EYS: variants seen among roughly 807,000 people sequenced by gnomAD.
EYS encodes the protein EGF-like photoreceptor maintenance factor.
Under a neutral mutation model 282.1 loss-of-function variants are expected in EYS, and 250 were observed. The observed-to-expected ratio is 0.89, with a 90% CI of 0.80 to 0.98. The LOEUF (loss-of-function observed/expected upper bound fraction) is 0.98. Among genes scored for constraint, EYS ranks in the 50% least tolerant of loss-of-function variants. The pLI, the probability that EYS is intolerant of heterozygous loss-of-function variation, is 0.00. For synonymous variants in EYS, 1,355 were observed against 1,282.9 expected, an observed-to-expected ratio of 1.06 and a Z score of -1.20; for missense variants, 4,016 against 3,709.0, an observed-to-expected ratio of 1.08 and a Z score of -2.15.
At chr6:65,583,238 A>T (rs1764929722) in intron 2 of EYS, among the ~76,000 whole-genome samples, 1 of 152,074 alleles carries the variant, frequency 6.6e-6, no homozygotes, top group Admixed American at 6.6e-5. Context: ...GGGCTCAAGT[A>T]TACTTATTTT....
chr6:65,451,926 A>AC (rs1399759713), intron 5 of EYS, among the ~76,000 whole-genome samples: 2 of 151,914 alleles, frequency 1.3e-5, no homozygotes, highest in Non-Finnish European at 2.9e-5. Flanking sequence ...CATTTAAAAT[A>AC]AATAATTTTA....
chr6:63,834,894 C>A (rs542951896), intron 36 of EYS, among the ~76,000 whole-genome samples: 1 of 151,646 alleles, frequency 6.6e-6, no homozygotes, highest in African/African-American at 2.4e-5. Flanking sequence ...GAGTTCATGT[C>A]CTTTGTAGGG....
At chr6:63,845,418 A>G (rs1772073146) in intron 36 of EYS, among the ~76,000 whole-genome samples, 1 of 149,686 alleles carries the variant, frequency 6.7e-6, no homozygotes, top group Non-Finnish European at 1.5e-5. Context: ...ATAAAACTGT[A>G]TCTGTTTGAG....
chr6:65,048,213 A>C (rs1364042361), intron 13 of EYS, among the ~76,000 whole-genome samples: 1 of 151,834 alleles, frequency 6.6e-6, no homozygotes, highest in Non-Finnish European at 1.5e-5. Context: ...CTTTTCTACC[A>C]AATATTTTCA....
chr6:64,301,135 A>G (rs906018987), intron 30 of EYS, among the ~76,000 whole-genome samples: 3 of 152,236 alleles, frequency 2.0e-5, no homozygotes, highest in African/African-American at 7.2e-5. Flanking sequence ...TCTTGGGTAC[A>G]TACTAACTTC....
chr6:65,488,116 A>C (rs967511908), intron 5 of EYS, among the ~76,000 whole-genome samples: 6 of 151,996 alleles, frequency 3.9e-5, no homozygotes, highest in Non-Finnish European at 7.4e-5. Flanking sequence ...TGATCTTTTC[A>C]AAAAACCAGC....
At chr6:65,033,709 C>T (rs541835407) in intron 13 of EYS, among the ~76,000 whole-genome samples, 2 of 152,268 alleles carry the variant, frequency 1.3e-5, no homozygotes, top group African/African-American at 4.8e-5. Flanking sequence ...CAGGTAGAAG[C>T]CTGTTGCAGG....
intron 22 of EYS, among the ~76,000 whole-genome samples, chr6:64,684,781 A>G (rs1010296785): frequency 1.3e-5 from 2 of 152,006 alleles, no homozygotes; most frequent in Non-Finnish European, 2.9e-5. Context: ...GTTAATAAAA[A>G]TGGAATGTAT....
At chr6:64,816,330 T>C (rs974454243) in intron 21 of EYS, among the ~76,000 whole-genome samples, 27 of 152,132 alleles carry the variant, frequency 1.8e-4, no homozygotes, top group African/African-American at 6.3e-4. Flanking sequence ...ATTAATTATA[T>C]GGGCTTTTAC....
At chr6:65,137,275 T>A (rs1372905465) in intron 12 of EYS, among the ~76,000 whole-genome samples, 1 of 152,076 alleles carries the variant, frequency 6.6e-6, no homozygotes, top group African/African-American at 2.4e-5. Flanking sequence ...AACAGCATTA[T>A]AAAGCAATTA....
chr6:64,402,746 C>G (rs1194892443), intron 28 of EYS, among the ~76,000 whole-genome samples: 1 of 152,140 alleles, frequency 6.6e-6, no homozygotes, highest in Admixed American at 6.5e-5. Context: ...CTGGCAAATT[C>G]TAAAGTAAAG....
intron 9 of EYS, among the ~76,000 whole-genome samples, chr6:65,346,412 A>T (rs1436990639): frequency 6.7e-6 from 1 of 148,598 alleles, no homozygotes; most frequent in African/African-American, 2.5e-5. Context: ...TATTGAAAAA[A>T]AAAACAAAAA....
chr6:64,420,273 C>T (rs757555308), intron 28 of EYS, among the ~76,000 whole-genome samples: 4 of 151,956 alleles, frequency 2.6e-5, no homozygotes, highest in Non-Finnish European at 5.9e-5. Context: ...CACCAATTCC[C>T]TAGGCTGCAT....
At chr6:64,594,030 C>T (rs1013960163) in intron 24 of EYS, among the ~76,000 whole-genome samples, 1 of 151,934 alleles carries the variant, frequency 6.6e-6, no homozygotes, top group African/African-American at 2.4e-5. Context: ...TGTCTATTTC[C>T]TAATAATAAA....
chr6:64,152,849 T>C (rs1171919089), intron 31 of EYS, among the ~76,000 whole-genome samples: 2 of 152,156 alleles, frequency 1.3e-5, no homozygotes, highest in African/African-American at 4.8e-5. Context: ...AGAGAAAATT[T>C]ATCTAAAATA....
At chr6:64,014,867 C>T (rs1256248003) in intron 33 of EYS, among the ~76,000 whole-genome samples, 1 of 151,930 alleles carries the variant, frequency 6.6e-6, no homozygotes. Flanking sequence ...ACATGACTCC[C>T]CCATCTTTAA....
At chr6:63,772,491 A>G (rs1356924838) in intron 40 of EYS, among the ~76,000 whole-genome samples, 1 of 152,098 alleles carries the variant, frequency 6.6e-6, no homozygotes, top group East Asian at 1.9e-4. Context: ...ATTTTTATAT[A>G]TAGTTTTAAA....
At chr6:64,608,376 A>G (rs1487386878) in intron 24 of EYS, among the ~76,000 whole-genome samples, 2 of 152,168 alleles carry the variant, frequency 1.3e-5, no homozygotes, top group East Asian at 3.8e-4. Context: ...AGTTGGTCAA[A>G]TAATAAATAT....
intron 5 of EYS, among the ~76,000 whole-genome samples, chr6:65,428,562 C>A (rs1016979487): frequency 5.3e-5 from 8 of 151,674 alleles, no homozygotes; most frequent in African/African-American, 1.9e-4. Context: ...GAATTGTATG[C>A]CAAATCTATG....
Sources: gnomAD v4.1 joint callset for allele counts (sites outside exome capture counted in the v4.1 genomes callset) on GRCh38, gnomAD v4.1.1 for gene constraint, MANE v1.5 for transcripts, NCBI Gene and HGNC (gene_info 2026-07-23, HGNC 2026-07-21) for gene names.